Variants in LAMA1 observed in about 807,000 individuals in gnomAD.
LAMA1 encodes laminin subunit alpha-1.
Under a neutral mutation model 348.7 loss-of-function variants are expected in LAMA1, and 219 were observed. The ratio of observed to expected loss-of-function variants is 0.63; its 90% confidence interval spans 0.56 to 0.70. LAMA1 has a LOEUF of 0.70. Ranked by LOEUF, LAMA1 falls within the 30% of genes least tolerant of loss-of-function variation. LAMA1 has a pLI of 0.00. For missense variants in LAMA1, 3,744 were observed against 3,888.0 expected, an observed-to-expected ratio of 0.96 and a Z score of 0.99; for synonymous variants, 1,487 against 1,491.0, an observed-to-expected ratio of 1.00 and a Z score of 0.06.
rs749798470 is a variant in LAMA1 at position 6,977,874 on chromosome 18, C to G, written c.6198G>C (p.Leu2066Phe). The G allele has an allele frequency of 1.2e-6, 2 of 1,612,018 alleles. No individual in the cohort carries two copies. The highest frequency in any genetic ancestry group is 1.7e-6 in the Non-Finnish European group (2 of 1,180,006). The change falls in exon 44 of 63, where the codon TTG (leucine) becomes TTC (phenylalanine). Residue 2066 changes from leucine (L) to phenylalanine (F), a missense_variant. Coordinates refer to ENST00000389658, the MANE Select transcript of LAMA1 (RefSeq NM_005559.4). ...LLQDSTMATL[L>F]AGRKVKDVEI... Reference sequence around the variant, plus strand: ...CCACGTCTTTGACTTTTCTTCCAGCCAACAGAGCTAACAAATACAAGAAGG... The same window carrying G: ...CCACGTCTTTGACTTTTCTTCCAGCGAACAGAGCTAACAAATACAAGAAGG...
At position 7,050,848 on chromosome 18, in the gene LAMA1, G is replaced by A. The variant is rs77811721; in HGVS notation, c.434C>T (p.Thr145Met). 2,699 of 1,614,166 alleles carry A rather than the reference G, an allele frequency of 1.7e-3. 50 individuals are homozygous for A. The African/African-American group carries it at 0.032, about 19-fold the overall frequency. Reference sequence around the variant, plus strand: ...TGCATAATACTGCCAGGGGCTGAACGTGGTGCCATCCAGAGAACGCTCCAA... The same window carrying A: ...TGCATAATACTGCCAGGGGCTGAACATGGTGCCATCCAGAGAACGCTCCAA... Reference protein sequence around the residue: ...WILERSLDGTTFSPWQYYAVS... With the variant: ...WILERSLDGTMFSPWQYYAVS... The change falls in exon 4 of 63, where the codon ACG becomes ATG. Residue 145 changes from threonine to methionine, a missense_variant. Physicochemically the swap from Thr to Met is moderately conservative, Grantham distance 81. This residue lies in a region of LAMA1 where 1,529 missense variants were observed against 1,689.4 expected (regional missense o/e 0.91). Transcript: ENST00000389658.
intron 1 of LAMA1, among the ~76,000 whole-genome samples, chr18:7,112,864 A>C (rs1324517832): frequency 1.3e-5 from 2 of 152,020 alleles, no homozygotes; most frequent in Non-Finnish European, 2.9e-5. Flanking sequence ...TGAACTCCCG[A>C]CCTCATGTGA....
chr18:7,046,379 G>A lies in LAMA1; in HGVS notation c.769-12C>T, dbSNP rs1221372435. 1 of 1,493,384 alleles carries A rather than the reference G, an allele frequency of 6.7e-7. No homozygotes were observed. Among genetic ancestry groups the A allele is most frequent in the Non-Finnish European group, 9.3e-7 (1 of 1,075,198 alleles). The allele number at this position is 1,493,384 out of a possible 1,614,324, so 92.5% of individuals were successfully genotyped here. On this transcript the variant is annotated splice_polypyrimidine_tract_variant and intron_variant, in intron 5 of 62. Transcript: ENST00000389658. The stretch of plus-strand genomic sequence containing the variant: ...ATTGAATAATAATACTAAGGAAAAA[G>A]AAAGTTATGAACAAAAATTAAAACC...
chr18:6,947,059 G>T, intron 61 of LAMA1, 104 bp downstream of exon 61: 1 of 1,443,954 alleles, frequency 6.9e-7, no homozygotes, highest in Non-Finnish European at 9.7e-7. Context: ...ACCATTGTTT[G>T]ACTCCATGAA....
chr18:6,969,093 T>C (rs1209508285), intron 48 of LAMA1, among the ~76,000 whole-genome samples: 1 of 151,862 alleles, frequency 6.6e-6, no homozygotes, highest in Non-Finnish European at 1.5e-5. Context: ...TGTGCCTATA[T>C]CAGCACTTCA....
chr18:6,978,199 C>T lies in LAMA1; in HGVS notation c.6187G>A (p.Ala2063Thr). The change falls in exon 43 of 63, where the codon GCC (alanine) becomes ACC (threonine). Residue 2063 changes from alanine to threonine, a missense_variant. Transcript: ENST00000389658. Reference sequence around the variant, plus strand: ...GGAAGGAAGGGCGCTGACATACTGGCCATGGTGGAGTCCTGCAGAAGCTGG... The same window carrying T: ...GGAAGGAAGGGCGCTGACATACTGGTCATGGTGGAGTCCTGCAGAAGCTGG... The part of the protein sequence containing the change: ...THQLLQDSTM[A>T]TLLAGRKVKD... The T allele has an allele frequency of 8.1e-6, 13 of 1,614,216 alleles. No homozygotes were observed. Among genetic ancestry groups the T allele is most frequent in the Non-Finnish European group, 1.1e-5 (13 of 1,180,038 alleles).
At chr18:7,080,977 T>C (rs376597767) in intron 1 of LAMA1, among the ~76,000 whole-genome samples, 2 of 152,284 alleles carry the variant, frequency 1.3e-5, no homozygotes, top group African/African-American at 4.8e-5. Context: ...TCCAATGATA[T>C]GCCATCTCAC....
At chr18:6,952,670 ACT>A (rs2057552255) in intron 57 of LAMA1, among the ~76,000 whole-genome samples, 1 of 152,190 alleles carries the variant, frequency 6.6e-6, no homozygotes, top group South Asian at 2.1e-4. Flanking sequence ...ATTGGGCATC[ACT>A]CTGAGTAGCG....
intron 1 of LAMA1, among the ~76,000 whole-genome samples, chr18:7,090,880 G>A (rs751341627): frequency 1.3e-5 from 2 of 152,182 alleles, no homozygotes; most frequent in Non-Finnish European, 2.9e-5. Flanking sequence ...AAGAGGGGGT[G>A]GTAAGCAGAA....
intron 53 of LAMA1, among the ~76,000 whole-genome samples, chr18:6,961,289 A>C (rs1359082265): frequency 6.6e-6 from 1 of 152,234 alleles, no homozygotes; most frequent in African/African-American, 2.4e-5. Flanking sequence ...TGACCACAAC[A>C]TGGGGAAGAA....
At chr18:6,971,712 C>T in intron 48 of LAMA1, 145 bp downstream of exon 48, 4 of 1,102,192 alleles carry the variant, frequency 3.6e-6, no homozygotes, top group Non-Finnish European at 5.4e-6. Flanking sequence ...TATGAAAAAG[C>T]ATGGCTTTGT....
At chr18:6,982,247 T>C (rs2057715082) in intron 41 of LAMA1, among the ~76,000 whole-genome samples, 1 of 151,956 alleles carries the variant, frequency 6.6e-6, no homozygotes, top group African/African-American at 2.4e-5. Context: ...TATGGACAGG[T>C]TAAAGATAGA....
intron 1 of LAMA1, among the ~76,000 whole-genome samples, chr18:7,089,011 A>G (rs554220653): frequency 2.0e-5 from 3 of 151,696 alleles, no homozygotes; most frequent in African/African-American, 7.3e-5. Flanking sequence ...TCTAAAAAAA[A>G]CAGCAACAAA....
intron 1 of LAMA1, among the ~76,000 whole-genome samples, chr18:7,082,373 TATAAA>T (rs2058196514): frequency 6.6e-6 from 1 of 152,178 alleles, no homozygotes. Flanking sequence ...TTGTTTTTAA[TATAAA>T]ATAAGAAAAA....
chr18:6,951,339 A>G (rs1222279705), intron 57 of LAMA1, among the ~76,000 whole-genome samples: 1 of 152,204 alleles, frequency 6.6e-6, no homozygotes, highest in Non-Finnish European at 1.5e-5. Flanking sequence ...GGTCTGAATG[A>G]CAGAAAGGGG....
intron 32 of LAMA1, 84 bp from the exon 33 acceptor site, chr18:6,997,968 T>A: frequency 7.8e-7 from 1 of 1,285,140 alleles, no homozygotes; most frequent in African/African-American, 1.5e-5. Context: ...GCAAGTTGTT[T>A]TGTGAAAATG....
At chr18:6,962,119 A>G in intron 51 of LAMA1, 60 bp from the exon 52 acceptor site, 1 of 1,213,922 alleles carries the variant, frequency 8.2e-7, no homozygotes, top group Non-Finnish European at 1.2e-6. Flanking sequence ...CATTTTTGAA[A>G]GAAGGAATAC....
intron 1 of LAMA1, among the ~76,000 whole-genome samples, chr18:7,085,831 T>C (rs775184863): frequency 1.3e-5 from 2 of 152,328 alleles, no homozygotes; most frequent in Non-Finnish European, 2.9e-5. Context: ...TGAAACCTGG[T>C]AGTCACCTGA....
At chr18:7,108,017 TA>T (rs556448351) in intron 1 of LAMA1, among the ~76,000 whole-genome samples, 2 of 120,684 alleles carry the variant, frequency 1.7e-5, no homozygotes, top group African/African-American at 6.3e-5. Context: ...CCGTCTCAAA[TA>T]AAAAAAATAA....
Sources: gnomAD v4.1 joint callset for allele counts (sites outside exome capture counted in the v4.1 genomes callset) on GRCh38, gnomAD v4.1.1 for gene constraint, gnomAD v4.1.1 regional missense constraint, MANE v1.5 for transcripts, NCBI Gene and HGNC (gene_info 2026-07-23, HGNC 2026-07-21) for gene names.